SLC22A24: variants seen among roughly 807,000 people sequenced by gnomAD.
SLC22A24 encodes solute carrier family 22 member 24.
Under a neutral mutation model 49.8 loss-of-function variants are expected in SLC22A24, and 53 were observed. The ratio of observed to expected loss-of-function variants is 1.06; its 90% CI spans 0.85 to 1.34. The LOEUF (loss-of-function observed/expected upper bound fraction) is 1.34, where lower values mean the gene tolerates loss of function less well. Among genes scored for constraint, SLC22A24 ranks in the 40% most tolerant of loss-of-function variants. SLC22A24 has a pLI of 0.00. For missense variants in SLC22A24, 786 were observed against 675.9 expected (o/e 1.16, Z -1.81); for synonymous variants, 302 against 256.4 (o/e 1.18, Z -1.70).
intron 1 of SLC22A24, among the ~76,000 whole-genome samples, chr11:63,143,116 GAT>G (rs1434463742): frequency 6.6e-6 from 1 of 152,128 alleles, no homozygotes; most frequent in Non-Finnish European, 1.5e-5. Flanking sequence ...GATTAATAAA[GAT>G]GTGTTTGAGC....
chr11:63,128,123 G>T (rs2134675262), intron 2 of SLC22A24, among the ~76,000 whole-genome samples: 1 of 151,904 alleles, frequency 6.6e-6, no homozygotes, highest in South Asian at 2.1e-4. Context: ...TCATTAGTTT[G>T]TAGCAATTAC....
chr11:63,111,951 A>G (rs2087168591), intron 4 of SLC22A24, among the ~76,000 whole-genome samples: 1 of 151,362 alleles, frequency 6.6e-6, no homozygotes, highest in Non-Finnish European at 1.5e-5. Flanking sequence ...TAGGGTGTCA[A>G]TTTTGGATCT....
At chr11:63,102,739 G>A (rs138571554) in intron 5 of SLC22A24, among the ~76,000 whole-genome samples, 216 of 152,254 alleles carry the variant, frequency 1.4e-3, no homozygotes, top group African/African-American at 4.8e-3. Flanking sequence ...CAAAAGGGAA[G>A]AGATTGTAGC....
In SLC22A24 at chr11:63,143,569, C is replaced by T. The variant is rs2087431142; in HGVS notation, c.211G>A (p.Asp71Asn). 1.9e-6 allele frequency: 3 copies of T among 1,571,656 alleles called. No homozygotes were observed. The highest frequency in any genetic ancestry group is 1.7e-6 in the Non-Finnish European group (2 of 1,160,706). ...AGTGGGATGGAGATTCTCAGGAGGT[C>T]ATCCTTGCTGAGGGTCCCGGTATCA... ...DNDTGTLSKDDLLRISIPLDS... is the reference protein window; with the variant it reads ...DNDTGTLSKDNLLRISIPLDS... Residue 71 changes from aspartate (D) to asparagine (N), a missense_variant, in exon 1 of 10, where the codon GAC becomes AAC. Physicochemically the swap from Asp to Asn is conservative, Grantham distance 23. Coordinates refer to ENST00000612278, the MANE Select transcript of SLC22A24 (RefSeq NM_001136506.2).
At chr11:63,089,848 G>A (rs543663699) in intron 6 of SLC22A24, among the ~76,000 whole-genome samples, 2 of 152,162 alleles carry the variant, frequency 1.3e-5, no homozygotes, top group East Asian at 1.9e-4. Flanking sequence ...TTGGGAGGCC[G>A]AGGCGGGTGG....
In SLC22A24 at chr11:63,134,225, A is replaced by G. The variant is rs143120976; in HGVS notation, c.506+440T>C. 3.0e-4 allele frequency among the ~76,000 whole-genome samples: 45 copies of G among 152,228 alleles called. 2 individuals are homozygous for G. In the East Asian group the frequency reaches 3.7e-3, roughly 12 times the overall value. On this transcript the variant is annotated intron_variant, in intron 2 of 9. Coordinates refer to ENST00000612278, the MANE Select transcript of SLC22A24 (RefSeq NM_001136506.2). ...TGATGGCCAGTCTAAAAGTGCCTCA[A>G]TAATTTCTCTCACAGGGTCTAGGTG... is the stretch of plus-strand genomic sequence containing the variant.
intron 6 of SLC22A24, among the ~76,000 whole-genome samples, chr11:63,094,919 C>G (rs971473724): frequency 5.3e-5 from 8 of 152,156 alleles, no homozygotes; most frequent in Non-Finnish European, 8.8e-5. Flanking sequence ...AATTTTCTCC[C>G]ATTGTGTAGG....
chr11:63,143,915 C>G lies in SLC22A24; in HGVS notation c.-136G>C. 1.5e-6 allele frequency: 1 copy of G among 668,946 alleles called. No individual in the cohort carries two copies. Among genetic ancestry groups the G allele is most frequent in the Non-Finnish European group, 2.1e-6 (1 of 467,160 alleles). The allele number at this position is 668,946 out of a possible 1,614,324, so 41.4% of individuals were successfully genotyped here. A position where few individuals can be genotyped will look rare whatever the true frequency, so the allele number is the denominator to read the frequency against. On this transcript the variant is annotated 5_prime_UTR_variant, in exon 1 of 10. Coordinates refer to ENST00000612278, the MANE Select transcript of SLC22A24 (RefSeq NM_001136506.2). ...GACACTGCTTTCTTCTTGGTGGGCC[C>G]TGCACTGAGTGGTGTGACACTACTG...
intron 6 of SLC22A24, among the ~76,000 whole-genome samples, chr11:63,085,315 G>A (rs1278538515): frequency 6.6e-6 from 1 of 152,138 alleles, no homozygotes; most frequent in African/African-American, 2.4e-5. Flanking sequence ...AAAAGGTTGG[G>A]AATATGCCCA....
chr11:63,083,353 G>A lies in SLC22A24; in HGVS notation c.1175C>T (p.Ala392Val), dbSNP rs1241169241. 2 of 1,553,524 alleles carry A rather than the reference G, an allele frequency of 1.3e-6. No homozygotes were observed. The highest frequency in any genetic ancestry group is 4.8e-5 in the East Asian group (2 of 41,244). Residue 392 changes from alanine to valine, a missense_variant, in exon 7 of 10, where the codon GCC (alanine) becomes GTC (valine). Ala to Val is a moderately conservative substitution (Grantham distance 64). Coordinates refer to ENST00000612278, the MANE Select transcript of SLC22A24 (RefSeq NM_001136506.2). ...QILCGAVTFT[A>V]RCVSLLTLNH... ...CAGTGTCAAAAGGGAAACACATCTGGCTGTGAATGTGACAGCTCCACAGAG... is the reference window on the plus strand; with the variant it reads ...CAGTGTCAAAAGGGAAACACATCTGACTGTGAATGTGACAGCTCCACAGAG...
intron 2 of SLC22A24, among the ~76,000 whole-genome samples, chr11:63,126,792 C>G (rs773064211): frequency 1.3e-5 from 2 of 152,078 alleles, no homozygotes; most frequent in Non-Finnish European, 2.9e-5. Flanking sequence ...TATCCATGAG[C>G]ATGGAATGTT....
intron 1 of SLC22A24, among the ~76,000 whole-genome samples, chr11:63,139,713 C>T (rs535055305): frequency 6.6e-5 from 10 of 152,256 alleles, no homozygotes; most frequent in South Asian, 2.1e-4. Context: ...TTTAGGGATC[C>T]GATCCAGGAT....
intron 2 of SLC22A24, among the ~76,000 whole-genome samples, chr11:63,124,912 A>T (rs1280412449): frequency 6.8e-6 from 1 of 147,750 alleles, no homozygotes; most frequent in Admixed American, 6.7e-5. Context: ...ATGAGAACAC[A>T]TGGACACAGG....
chr11:63,131,288 ATAT>A (rs2087333560), intron 2 of SLC22A24, among the ~76,000 whole-genome samples: 1 of 151,996 alleles, frequency 6.6e-6, no homozygotes, highest in Non-Finnish European at 1.5e-5. Flanking sequence ...TTTAAGGTTA[ATAT>A]TATTATGTTT....
chr11:63,112,153 A>G (rs1174078326), intron 4 of SLC22A24, among the ~76,000 whole-genome samples: 1 of 151,750 alleles, frequency 6.6e-6, no homozygotes. Context: ...CATGTAGTTG[A>G]GTGGTTTTGA....
At chr11:63,122,639 C>T (rs535223479) in intron 2 of SLC22A24, among the ~76,000 whole-genome samples, 32 of 152,070 alleles carry the variant, frequency 2.1e-4, no homozygotes, top group Non-Finnish European at 3.5e-4. Flanking sequence ...CTCAGCCTCC[C>T]GAGTAGCTGG....
intron 5 of SLC22A24, 46 bp from the exon 6 acceptor site, chr11:63,096,152 T>C (rs566708196): frequency 2.4e-6 from 3 of 1,244,890 alleles, no homozygotes; most frequent in Admixed American, 4.0e-5. Context: ...ATGTCAATAA[T>C]GTGTCAGGCA....
chr11:63,120,623 C>A (rs2087245153), intron 2 of SLC22A24, among the ~76,000 whole-genome samples: 1 of 151,926 alleles, frequency 6.6e-6, no homozygotes, highest in Non-Finnish European at 1.5e-5. Flanking sequence ...CACAGACTGG[C>A]AGGAAGGGCA....
Position 63,134,662 on chromosome 11 carries a change from C to T in SLC22A24, c.506+3G>A, listed in dbSNP as rs1455505680. On this transcript the variant is annotated splice_donor_region_variant and intron_variant, in intron 2 of 9. Transcript: ENST00000612278. Reference sequence around the variant, plus strand: ...GCCCCAAAGAAAGTGAGATGACACTCACCTGTCTGAAAGATGGCCATATAT... The same window carrying T: ...GCCCCAAAGAAAGTGAGATGACACTTACCTGTCTGAAAGATGGCCATATAT... The T allele has an allele frequency of 6.7e-7, 1 of 1,497,226 alleles. No homozygotes were observed. Among genetic ancestry groups the T allele is most frequent in the African/African-American group, 1.4e-5 (1 of 72,118 alleles). The allele number at this position is 1,497,226 out of a possible 1,614,324, so 92.7% of individuals were successfully genotyped here. A position where few individuals can be genotyped will look rare whatever the true frequency, so the allele number is the denominator to read the frequency against.
Sources: allele counts gnomAD v4.1 joint callset (sites outside exome capture counted in the v4.1 genomes callset), GRCh38; gene constraint gnomAD v4.1.1; transcripts MANE v1.5; gene names NCBI Gene and HGNC (gene_info 2026-07-23, HGNC 2026-07-21).